Variants in ATP2C2 observed in about 807,000 individuals in gnomAD.
ATP2C2 encodes the protein ATPase secretory pathway Ca2+ transporting 2, also known as calcium-transporting ATPase type 2C member 2.
A neutral mutation model predicts 110.8 loss-of-function variants in ATP2C2; 171 were observed. That is an observed-to-expected ratio of 1.54 (90% CI 1.36 to 1.75). The LOEUF (loss-of-function observed/expected upper bound fraction) is 1.75, where lower values mean the gene tolerates loss of function less well. ATP2C2 is among the 40% of genes most tolerant of loss of function. The pLI, the probability that ATP2C2 is intolerant of heterozygous loss-of-function variation, is 0.00. For missense variants in ATP2C2, 1,963 were observed against 1,235.0 expected (o/e 1.59, Z -8.84); for synonymous variants, 804 against 508.4 (o/e 1.58, Z -7.82).
chr16:84,443,271 G>C (rs1909435773), intron 15 of ATP2C2, among the ~76,000 whole-genome samples: 1 of 152,148 alleles, frequency 6.6e-6, no homozygotes, highest in Non-Finnish European at 1.5e-5. Flanking sequence ...GAAGGAAGAA[G>C]GTGGCCCCGG....
rs779037817 is a variant in ATP2C2, at chr16:84,463,608, T to A, written c.2723-6T>A. ...CCTGAATCTTTTCTGTTTTCTCCCT[T>A]GGCAGATTTGCTGTTTTTAACTGGA... is the stretch of plus-strand genomic sequence containing the variant. On this transcript the variant is annotated splice_region_variant and splice_polypyrimidine_tract_variant and intron_variant, in intron 26 of 26. Transcript: ENST00000262429. 3.6e-5 allele frequency: 58 copies of A among 1,610,376 alleles called. No homozygotes were observed. The highest frequency in any genetic ancestry group is 5.0e-5 in the Admixed American group (3 of 60,012).
chr16:84,458,463 T>C (rs1699869534), intron 21 of ATP2C2, among the ~76,000 whole-genome samples: 1 of 135,636 alleles, frequency 7.4e-6, no homozygotes, highest in African/African-American at 2.8e-5. Context: ...ACCTGCACAA[T>C]GTGCACATGT....
chr16:84,375,984 G>A (rs765231606), intron 1 of ATP2C2, among the ~76,000 whole-genome samples: 1 of 152,078 alleles, frequency 6.6e-6, no homozygotes, highest in Non-Finnish European at 1.5e-5. Flanking sequence ...GTAGCTGGGT[G>A]GGAGTGGTAC....
intron 1 of ATP2C2, among the ~76,000 whole-genome samples, chr16:84,378,158 G>C (rs1052579556): frequency 2.6e-5 from 4 of 152,136 alleles, no homozygotes; most frequent in Non-Finnish European, 4.4e-5. Context: ...CAACTCCCAG[G>C]CTAACTAGAA....
intron 14 of ATP2C2, among the ~76,000 whole-genome samples, chr16:84,441,654 C>G (rs1016321296): frequency 6.6e-6 from 1 of 152,222 alleles, no homozygotes; most frequent in Non-Finnish European, 1.5e-5. Context: ...GGCGTGGTGG[C>G]TCATGCCTAT....
chr16:84,404,026 A>G (rs1905533221), intron 2 of ATP2C2, among the ~76,000 whole-genome samples: 1 of 152,186 alleles, frequency 6.6e-6, no homozygotes, highest in Admixed American at 6.5e-5. Flanking sequence ...CGATGAAGAG[A>G]CGCATAGGGC....
At chr16:84,438,426 C>T (rs1908937213) in intron 11 of ATP2C2, among the ~76,000 whole-genome samples, 1 of 152,102 alleles carries the variant, frequency 6.6e-6, no homozygotes, top group Non-Finnish European at 1.5e-5. Flanking sequence ...TAGAAAGAGC[C>T]CCCTCTACAC....
At position 84,408,420 on chromosome 16, in the gene ATP2C2, A is replaced by T; in HGVS notation, c.343A>T (p.Ile115Phe). 6.2e-7 allele frequency: 1 copy of T among 1,613,798 alleles called. No homozygotes were observed. The highest frequency in any genetic ancestry group is 8.5e-7 in the Non-Finnish European group (1 of 1,179,968). ...KYLDQFKNPL[I>F]LLLLGSALVS... Reference sequence around the variant, plus strand: ...TCCTCTTCAGTTTAAGAACCCCCTGATCCTGCTGCTGCTGGGCTCTGCCCT... The same window carrying T: ...TCCTCTTCAGTTTAAGAACCCCCTGTTCCTGCTGCTGCTGGGCTCTGCCCT... Residue 115 changes from isoleucine (I) to phenylalanine (F), a missense_variant, in exon 4 of 27, where the codon ATC becomes TTC. Coordinates refer to ENST00000262429, the MANE Select transcript of ATP2C2 (RefSeq NM_014861.4).
chr16:84,381,866 T>G (rs1333508194), intron 1 of ATP2C2, among the ~76,000 whole-genome samples: 1 of 152,198 alleles, frequency 6.6e-6, no homozygotes, highest in African/African-American at 2.4e-5. Context: ...AATCTGAGGC[T>G]TAGAAAATGA....
chr16:84,414,731 G>C (rs1375727753), intron 6 of ATP2C2, among the ~76,000 whole-genome samples: 1 of 152,174 alleles, frequency 6.6e-6, no homozygotes, highest in Non-Finnish European at 1.5e-5. Flanking sequence ...AAGCCCCTGA[G>C]GCCAGAAGGA....
intron 17 of ATP2C2, among the ~76,000 whole-genome samples, chr16:84,450,644 G>T (rs1910172885): frequency 6.6e-6 from 1 of 152,028 alleles, no homozygotes. Context: ...TGTGTAGGAG[G>T]CATGCCAGCC....
chr16:84,450,536 G>A lies in ATP2C2; in HGVS notation c.1661-1385G>A, dbSNP rs763501988. 3.3e-5 allele frequency among the ~76,000 whole-genome samples: 5 copies of A among 152,268 alleles called. No individual in the cohort carries two copies. In the East Asian group the frequency reaches 5.8e-4, roughly 18 times the overall value. On this transcript the variant is annotated intron_variant, in intron 17 of 26. Coordinates refer to ENST00000262429, the MANE Select transcript of ATP2C2 (RefSeq NM_014861.4). ...CTACTAGGTGGCCACTAGAAGCAGGGGATGCTCCTGGGTTGGCAAAGCCCA... is the reference window on the plus strand; with the variant it reads ...CTACTAGGTGGCCACTAGAAGCAGGAGATGCTCCTGGGTTGGCAAAGCCCA...
chr16:84,431,962 A>G (rs1220502031), intron 11 of ATP2C2, among the ~76,000 whole-genome samples: 2 of 152,076 alleles, frequency 1.3e-5, no homozygotes, highest in Admixed American at 1.3e-4. Context: ...GGTTTGGGGC[A>G]TTGGAAGAGC....
chr16:84,375,016 A>G (rs904539360), intron 1 of ATP2C2, among the ~76,000 whole-genome samples: 2 of 152,232 alleles, frequency 1.3e-5, no homozygotes, highest in Non-Finnish European at 2.9e-5. Context: ...GAGGGTTAAT[A>G]TAGACACCTG....
At chr16:84,393,767 G>A (rs1449461652) in intron 1 of ATP2C2, among the ~76,000 whole-genome samples, 2 of 151,702 alleles carry the variant, frequency 1.3e-5, no homozygotes, top group Admixed American at 1.3e-4. Context: ...GGTGGAGGGG[G>A]CTGTGACCGA....
intron 26 of ATP2C2, chr16:84,462,403 G>A: frequency 2.7e-6 from 1 of 373,454 alleles, no homozygotes; most frequent in Non-Finnish European, 4.9e-6. Context: ...GCGTCGGGCT[G>A]GAGGCTCAGA....
chr16:84,423,726 A>G (rs1420942181), intron 10 of ATP2C2, among the ~76,000 whole-genome samples: 1 of 152,218 alleles, frequency 6.6e-6, no homozygotes, highest in Non-Finnish European at 1.5e-5. Context: ...TGGAATCATC[A>G]ATTTGACCAT....
At chr16:84,369,910 G>C (rs1471618096) in intron 1 of ATP2C2, among the ~76,000 whole-genome samples, 1 of 152,194 alleles carries the variant, frequency 6.6e-6, no homozygotes, top group Non-Finnish European at 1.5e-5. Flanking sequence ...TGTTAATATT[G>C]ATAGGATATA....
At chr16:84,382,696 C>A (rs1179436768) in intron 1 of ATP2C2, among the ~76,000 whole-genome samples, 2 of 152,130 alleles carry the variant, frequency 1.3e-5, no homozygotes, top group Non-Finnish European at 2.9e-5. Context: ...AAGTTTGAGA[C>A]CAGCCTGGCC....
Sources: gnomAD v4.1 joint callset for allele counts (sites outside exome capture counted in the v4.1 genomes callset) on GRCh38, gnomAD v4.1.1 for gene constraint, MANE v1.5 for transcripts, NCBI Gene and HGNC (gene_info 2026-07-23, HGNC 2026-07-21) for gene names.